FTCDNL1: variants seen among roughly 807,000 people sequenced by gnomAD.
FTCDNL1 encodes formiminotransferase cyclodeaminase N-terminal like, also known as formiminotransferase N-terminal subdomain-containing protein.
A neutral mutation model predicts 5.9 loss-of-function variants in FTCDNL1; 11 were observed. That is an observed-to-expected ratio of 1.87 (90% CI 1.18 to 3.10). FTCDNL1 has a LOEUF of 3.10. Ranked by LOEUF, FTCDNL1 falls within the 30% of genes most tolerant of loss-of-function variation. FTCDNL1 has a pLI of 0.00. For missense variants in FTCDNL1, 115 were observed against 65.5 expected (o/e 1.76, Z -2.61); for synonymous variants, 58 against 24.8 (o/e 2.34, Z -3.99).
chr2:199,808,944 G>C (rs924037076), downstream of FTCDNL1, among the ~76,000 whole-genome samples: 1 of 152,088 alleles, frequency 6.6e-6, no homozygotes, highest in Admixed American at 6.6e-5. Context: ...GGGCCACACA[G>C]CCTCCGCCAA....
chr2:199,718,115 T>C, the FTCDNL1 span, among the ~76,000 whole-genome samples: 1 of 152,292 alleles, frequency 6.6e-6, no homozygotes, highest in African/African-American at 2.4e-5. Context: ...ATTTCTTACA[T>C]GCATATATCG....
the FTCDNL1 span, among the ~76,000 whole-genome samples, chr2:199,694,928 C>T: frequency 9.9e-5 from 15 of 152,170 alleles, no homozygotes; most frequent in Admixed American, 3.3e-4. Flanking sequence ...CTTGGCCAGA[C>T]GAGGCTGAAC....
At chr2:199,757,044 C>T (rs192573511), downstream of FTCDNL1, among the ~76,000 whole-genome samples, 15 of 152,242 alleles carry the variant, frequency 9.9e-5, no homozygotes, top group East Asian at 3.9e-4. Flanking sequence ...ACAAAGAACA[C>T]GACTAGGAAA....
chr2:199,684,879 G>A, the FTCDNL1 span, among the ~76,000 whole-genome samples: 15 of 152,170 alleles, frequency 9.9e-5, no homozygotes, highest in Admixed American at 2.0e-4. Context: ...AAAAAGTGTG[G>A]CAAGAAGACA....
downstream of FTCDNL1, among the ~76,000 whole-genome samples, chr2:199,757,955 T>A (rs1015992541): frequency 6.6e-6 from 1 of 151,126 alleles, no homozygotes; most frequent in African/African-American, 2.5e-5. Flanking sequence ...CCTTAATTCA[T>A]TTGGGGTGCT....
In FTCDNL1 at chr2:199,812,542, C is replaced by T. The variant is rs1028459864; in HGVS notation, c.*163G>A. 2.2e-6 allele frequency: 1 copy of T among 454,056 alleles called. No homozygotes were observed. The highest frequency in any genetic ancestry group is 3.9e-6 in the Non-Finnish European group (1 of 257,602). The allele number at this position is 454,056 out of a possible 1,614,324, so 28.1% of individuals were successfully genotyped here. ...TAAATGTCATATAATTAAAGTAATTCCACTTTTTGCTCTAAAATTAGAAAC... is the reference window on the plus strand; with the variant it reads ...TAAATGTCATATAATTAAAGTAATTTCACTTTTTGCTCTAAAATTAGAAAC... On this transcript the variant is annotated 3_prime_UTR_variant, in exon 5 of 5. Coordinates refer to ENST00000420128, the MANE Select transcript of FTCDNL1 (RefSeq NM_001363886.2).
At chr2:199,703,667 T>A in the FTCDNL1 span, among the ~76,000 whole-genome samples, 1 of 152,274 alleles carries the variant, frequency 6.6e-6, no homozygotes, top group African/African-American at 2.4e-5. Flanking sequence ...ACTATGCTCA[T>A]TACCTGGGTG....
chr2:199,797,011 A>G (rs907422784), intron 3 of FTCDNL1, among the ~76,000 whole-genome samples: 1 of 152,198 alleles, frequency 6.6e-6, no homozygotes, highest in African/African-American at 2.4e-5. Flanking sequence ...CCAGAAAAAA[A>G]GTAAAACATA....
At chr2:199,806,269 C>A (rs1008510945), downstream of FTCDNL1, among the ~76,000 whole-genome samples, 1 of 152,094 alleles carries the variant, frequency 6.6e-6, no homozygotes, top group African/African-American at 2.4e-5. Context: ...GCTTTCCTAA[C>A]CCCCCAAGCA....
exon 4 of FTCDNL1, chr2:199,760,574 T>C (rs1698223787): frequency 4.0e-6 from 2 of 505,224 alleles, no homozygotes; most frequent in South Asian, 3.0e-5. Context: ...TTTTATTGTA[T>C]ATCTTTAAAA....
the FTCDNL1 span, among the ~76,000 whole-genome samples, chr2:199,697,290 A>T: frequency 1.8e-4 from 28 of 152,220 alleles, no homozygotes; most frequent in East Asian, 1.5e-3. Context: ...AATAAATAAA[A>T]AAAGATGCTA....
the FTCDNL1 span, among the ~76,000 whole-genome samples, chr2:199,703,692 A>G: frequency 0.017 from 2,626 of 152,252 alleles, 33 homozygotes; most frequent in Middle Eastern, 0.034. Context: ...AATAATTTGT[A>G]CATTCAACCT....
intron 3 of FTCDNL1, among the ~76,000 whole-genome samples, chr2:199,802,987 C>A (rs950663739): frequency 4.6e-5 from 7 of 151,760 alleles, no homozygotes; most frequent in African/African-American, 1.7e-4. Flanking sequence ...AATTCAAGAC[C>A]AGCCTGGGCA....
intron 3 of FTCDNL1, among the ~76,000 whole-genome samples, chr2:199,826,318 A>C (rs1702027602): frequency 6.6e-6 from 1 of 152,206 alleles, no homozygotes; most frequent in Admixed American, 6.5e-5. Context: ...TTTTAAGTCC[A>C]GAAAGTATAG....
At chr2:199,769,424 G>A (rs1434803711) in intron 3 of FTCDNL1, among the ~76,000 whole-genome samples, 2 of 152,116 alleles carry the variant, frequency 1.3e-5, no homozygotes, top group Non-Finnish European at 2.9e-5. Flanking sequence ...CCTCTTGCCT[G>A]CCACCATGTA....
the FTCDNL1 span, among the ~76,000 whole-genome samples, chr2:199,737,977 A>C: frequency 6.6e-6 from 1 of 152,212 alleles, no homozygotes; most frequent in Admixed American, 6.5e-5. Context: ...CTCAATGACC[A>C]CAGCTGCCTC....
At chr2:199,731,810 C>A in the FTCDNL1 span, among the ~76,000 whole-genome samples, 1 of 151,246 alleles carries the variant, frequency 6.6e-6, no homozygotes, top group Non-Finnish European at 1.5e-5. Context: ...ATGGCGAGAA[C>A]CCGGGAGGCG....
chr2:199,760,657 T>C, exon 4 of FTCDNL1: 1 of 579,046 alleles, frequency 1.7e-6, no homozygotes, highest in South Asian at 2.2e-5. Flanking sequence ...ATTTAGAATT[T>C]AGTAATTCTG....
At chr2:199,689,206 G>A in the FTCDNL1 span, among the ~76,000 whole-genome samples, 7 of 152,154 alleles carry the variant, frequency 4.6e-5, no homozygotes, top group Admixed American at 1.3e-4. Context: ...CTCAGTAAAT[G>A]TTCTCTTATG....
Sources: allele counts gnomAD v4.1 joint callset (sites outside exome capture counted in the v4.1 genomes callset), GRCh38; gene constraint gnomAD v4.1.1; transcripts MANE v1.5; gene names NCBI Gene and HGNC (gene_info 2026-07-23, HGNC 2026-07-21).